NOL4: variants seen among roughly 807,000 people sequenced by gnomAD.
The protein encoded by NOL4 is nucleolar protein 4, also known as cancer/testis antigen 125.
A neutral mutation model predicts 75.9 loss-of-function variants in NOL4; 17 were observed. That is an observed-to-expected ratio of 0.22 (90% CI 0.15 to 0.34). The LOEUF is 0.34. Among genes scored for constraint, NOL4 ranks in the 10% least tolerant of loss-of-function variants. The pLI is 1.00. For synonymous variants in NOL4, 292 were observed against 289.9 expected, an observed-to-expected ratio of 1.01 and a Z score of -0.07; for missense variants, 614 against 793.5, an observed-to-expected ratio of 0.77 and a Z score of 2.72.
intron 10 of NOL4, among the ~76,000 whole-genome samples, chr18:33,854,928 G>A (rs1398073580): frequency 1.3e-5 from 2 of 151,950 alleles, no homozygotes; most frequent in Non-Finnish European, 1.5e-5. Flanking sequence ...AGTGTTCTAA[G>A]CTTCCAAACC....
chr18:34,134,639 TA>T (rs960385173), intron 1 of NOL4, among the ~76,000 whole-genome samples: 14 of 151,022 alleles, frequency 9.3e-5, no homozygotes, highest in Admixed American at 7.9e-4. Flanking sequence ...ACTTAAAATT[TA>T]AAAAAAAACT....
At chr18:34,166,265 T>C (rs1335537299) in intron 1 of NOL4, among the ~76,000 whole-genome samples, 1 of 152,106 alleles carries the variant, frequency 6.6e-6, no homozygotes, top group East Asian at 1.9e-4. Flanking sequence ...AATTTATAAG[T>C]TGGAGTCAAA....
intron 2 of NOL4, among the ~76,000 whole-genome samples, chr18:34,129,463 C>T (rs1356596050): frequency 1.3e-5 from 2 of 151,418 alleles, no homozygotes; most frequent in Non-Finnish European, 3.0e-5. Context: ...TAGAAAATAC[C>T]TAAACATATT....
chr18:34,140,967 TA>T, intron 1 of NOL4, among the ~76,000 whole-genome samples: 1 of 152,224 alleles, frequency 6.6e-6, no homozygotes, highest in East Asian at 1.9e-4. Flanking sequence ...CTTAAGCGCA[TA>T]AGCAACTTCA....
intron 1 of NOL4, among the ~76,000 whole-genome samples, chr18:34,166,219 A>T (rs185718905): frequency 6.6e-6 from 1 of 152,292 alleles, no homozygotes; most frequent in African/African-American, 2.4e-5. Flanking sequence ...TTCAGAATAT[A>T]ACATTATAGT....
chr18:33,898,980 C>T (rs987834112), intron 9 of NOL4, among the ~76,000 whole-genome samples: 1 of 152,172 alleles, frequency 6.6e-6, no homozygotes, highest in Non-Finnish European at 1.5e-5. Context: ...CACCCATCCC[C>T]ACTCCACTGG....
intron 5 of NOL4, among the ~76,000 whole-genome samples, chr18:34,064,473 A>G (rs1340382790): frequency 2.0e-5 from 3 of 151,938 alleles, no homozygotes; most frequent in Non-Finnish European, 2.9e-5. Flanking sequence ...TTCGTCTGAA[A>G]TAGTATCAGA....
At chr18:34,205,443 G>A (rs558912866) in intron 1 of NOL4, among the ~76,000 whole-genome samples, 60 of 152,036 alleles carry the variant, frequency 3.9e-4, no homozygotes, top group Non-Finnish European at 2.1e-4. Flanking sequence ...TCAGCGGGTG[G>A]CATGTATTTT....
chr18:33,893,518 C>T (rs1038906506), intron 9 of NOL4, among the ~76,000 whole-genome samples: 2 of 152,098 alleles, frequency 1.3e-5, no homozygotes. Flanking sequence ...TGATTCGATT[C>T]AACTTTTTGA....
intron 2 of NOL4, among the ~76,000 whole-genome samples, chr18:34,119,645 G>T (rs967233834): frequency 6.6e-6 from 1 of 151,920 alleles, no homozygotes; most frequent in African/African-American, 2.4e-5. Context: ...TTTTTGAAAA[G>T]GAGTCTCGCT....
intron 6 of NOL4, among the ~76,000 whole-genome samples, chr18:33,975,825 C>T (rs575951986): frequency 6.6e-6 from 1 of 152,210 alleles, no homozygotes; most frequent in Admixed American, 6.5e-5. Context: ...AAATAAAATG[C>T]CCTCATGTCA....
intron 5 of NOL4, among the ~76,000 whole-genome samples, chr18:34,054,461 T>A (rs2076749959): frequency 6.6e-6 from 1 of 151,954 alleles, no homozygotes; most frequent in African/African-American, 2.4e-5. Flanking sequence ...GTGATATTAT[T>A]ATTTGTCTCT....
At chr18:34,163,098 A>G (rs1303902148) in intron 1 of NOL4, among the ~76,000 whole-genome samples, 3 of 152,246 alleles carry the variant, frequency 2.0e-5, no homozygotes, top group Non-Finnish European at 4.4e-5. Flanking sequence ...TCTCAAAATA[A>G]TAAGAGCTAT....
chr18:33,867,336 T>A (rs891726379), intron 10 of NOL4, among the ~76,000 whole-genome samples: 3 of 152,122 alleles, frequency 2.0e-5, no homozygotes, highest in African/African-American at 7.2e-5. Flanking sequence ...ACTATTTTCT[T>A]GAGTTATCAG....
intron 1 of NOL4, among the ~76,000 whole-genome samples, chr18:34,155,139 T>C (rs1199266853): frequency 4.6e-5 from 7 of 151,912 alleles, no homozygotes; most frequent in African/African-American, 1.7e-4. Context: ...CTGCCACAAA[T>C]ACGTGAAAGT....
intron 2 of NOL4, among the ~76,000 whole-genome samples, chr18:34,119,708 A>G (rs572550091): frequency 8.0e-4 from 122 of 151,812 alleles, no homozygotes; most frequent in African/African-American, 2.8e-3. Context: ...TGCCAGCTCC[A>G]CTTCCTGGGT....
chr18:34,123,608 T>C (rs1038114715), intron 2 of NOL4, among the ~76,000 whole-genome samples: 2 of 146,758 alleles, frequency 1.4e-5, no homozygotes, highest in South Asian at 2.1e-4. Flanking sequence ...TAGATCTACA[T>C]CTTTCTATAT....
intron 9 of NOL4, among the ~76,000 whole-genome samples, chr18:33,919,113 A>G (rs2066889278): frequency 6.6e-6 from 1 of 152,136 alleles, no homozygotes. Context: ...GTCTCAAATC[A>G]AGGGTAGATT....
Position 34,223,351 on chromosome 18 carries a change from A to G in NOL4, c.-98T>C. 1 of 1,507,888 alleles carries G rather than the reference A, an allele frequency of 6.6e-7. No homozygotes were observed. The highest frequency in any genetic ancestry group is 1.3e-5 in the South Asian group (1 of 77,704). The allele number at this position is 1,507,888 out of a possible 1,614,324, so 93.4% of individuals were successfully genotyped here. On this transcript the variant is annotated 5_prime_UTR_variant, in exon 1 of 11. Transcript: ENST00000261592. Reference sequence around the variant, plus strand: ...ATGCAGCCCCGGCCACGTTGCAGGGATGCGAGGTCCCGGCCGCAGCGGGAG... The same window carrying G: ...ATGCAGCCCCGGCCACGTTGCAGGGGTGCGAGGTCCCGGCCGCAGCGGGAG...
Sources: allele counts gnomAD v4.1 joint callset (sites outside exome capture counted in the v4.1 genomes callset), GRCh38; gene constraint gnomAD v4.1.1; transcripts MANE v1.5; gene names NCBI Gene and HGNC (gene_info 2026-07-23, HGNC 2026-07-21).